SEZ6L: variants seen among roughly 807,000 people sequenced by gnomAD.
The protein encoded by SEZ6L is seizure related 6 homolog like, also known as seizure 6-like protein.
Under a neutral mutation model 106.2 loss-of-function variants are expected in SEZ6L, and 37 were observed. That is an observed-to-expected ratio of 0.35 (90% confidence interval 0.27 to 0.46). The LOEUF (loss-of-function observed/expected upper bound fraction) is 0.46, where lower values mean the gene tolerates loss of function less well. Among genes scored for constraint, SEZ6L ranks in the 20% least tolerant of loss-of-function variants. The pLI, the probability that SEZ6L is intolerant of heterozygous loss-of-function variation, is 1.00. For synonymous variants in SEZ6L, 541 were observed against 570.4 expected (o/e 0.95, Z 0.73); for missense variants, 1,172 against 1,332.8 (o/e 0.88, Z 1.88).
chr22:26,317,923 C>T (rs1012663720), intron 9 of SEZ6L, among the ~76,000 whole-genome samples: 2 of 151,926 alleles, frequency 1.3e-5, no homozygotes, highest in Non-Finnish European at 2.9e-5. Context: ...AGGGTAGTTG[C>T]AAATCCAAAA....
rs2081749893 is a variant in SEZ6L at position 26,309,628 on chromosome 22, G to C, written c.1515-1042G>C. On this transcript the variant is annotated intron_variant, in intron 6 of 16. Coordinates refer to ENST00000248933, the MANE Select transcript of SEZ6L (RefSeq NM_021115.5). ...GAGTCTTGCTCTGTCACCCAAGCTG[G>C]AGTGCAGTGGCTCGATCTCGGCTCA... is the stretch of plus-strand genomic sequence containing the variant. Among the ~76,000 whole-genome samples, 2 of 152,092 alleles carry C rather than the reference G, an allele frequency of 1.3e-5. 1 individual carries two copies. The highest frequency in any genetic ancestry group is 4.1e-4 in the South Asian group (2 of 4,826).
chr22:26,254,775 G>C (rs2079749144), intron 1 of SEZ6L, among the ~76,000 whole-genome samples: 1 of 152,160 alleles, frequency 6.6e-6, no homozygotes. Context: ...TCAGAAGGAG[G>C]GTGAGTGTCA....
chr22:26,176,839 G>A (rs1448163981), intron 1 of SEZ6L, among the ~76,000 whole-genome samples: 1 of 152,144 alleles, frequency 6.6e-6, no homozygotes, highest in Non-Finnish European at 1.5e-5. Flanking sequence ...TTTCTGTGAA[G>A]TCTTCTCTTG....
chr22:26,372,428 A>G (rs1427570554), intron 13 of SEZ6L, among the ~76,000 whole-genome samples: 7 of 152,188 alleles, frequency 4.6e-5, no homozygotes, highest in Admixed American at 4.6e-4. Flanking sequence ...CTTGATGCCA[A>G]AGCTGCAGAG....
At chr22:26,240,212 GT>G (rs2079083431) in intron 1 of SEZ6L, among the ~76,000 whole-genome samples, 1 of 151,880 alleles carries the variant, frequency 6.6e-6, no homozygotes, top group African/African-American at 2.4e-5. Context: ...TGTTCCCTCT[GT>G]CTCATATACC....
chr22:26,362,028 T>G (rs79579669), intron 12 of SEZ6L, among the ~76,000 whole-genome samples: 1 of 150,462 alleles, frequency 6.6e-6, no homozygotes, highest in East Asian at 2.0e-4. Context: ...CACCCTGCAT[T>G]AAAAAAAAAT....
chr22:26,285,680 G>C (rs1249353408), intron 1 of SEZ6L, among the ~76,000 whole-genome samples: 1 of 152,184 alleles, frequency 6.6e-6, no homozygotes, highest in Admixed American at 6.5e-5. Flanking sequence ...ACAACGCATA[G>C]AGCAGCTTCT....
At chr22:26,338,943 A>G (rs1036371355) in intron 9 of SEZ6L, among the ~76,000 whole-genome samples, 2 of 137,850 alleles carry the variant, frequency 1.5e-5, no homozygotes, top group Non-Finnish European at 3.0e-5. Context: ...GCCTCAAGCA[A>G]TCCTCCCACC....
rs1280384057 is a variant in SEZ6L, at chr22:26,305,783, A to G, written c.1349-196A>G. On this transcript the variant is annotated intron_variant, in intron 5 of 16. Transcript: ENST00000248933. ...TTCCCTCCCAGGAGAAGTCCCTTCC[A>G]AGCTTTCTCTCCCTGCCCGGTTTCC... Among the ~76,000 whole-genome samples the G allele has an allele frequency of 3.9e-5, 6 of 152,176 alleles. No individual in the cohort carries two copies. The East Asian group carries it at 1.2e-3, about 29-fold the overall frequency.
chr22:26,292,225 GGAGA>G, intron 1 of SEZ6L, 177 bp from the exon 2 acceptor site: 1 of 560,240 alleles, frequency 1.8e-6, no homozygotes, highest in East Asian at 3.0e-5. Flanking sequence ...AGAGAAAGAG[GGAGA>G]GAGGGAAGGA....
In SEZ6L at chr22:26,191,630, A is replaced by G. The variant is rs146276114; in HGVS notation, c.94+21867A>G. ...AGGGAGAGCATCAGGAAGAATAGTT[A>G]ATGAATGCTGGGCTTAATATCTAGG... On this transcript the variant is annotated intron_variant, in intron 1 of 16. Transcript: ENST00000248933. Among the ~76,000 whole-genome samples the G allele has an allele frequency of 5.1e-4, 78 of 152,244 alleles. 1 individual carries two copies. Among genetic ancestry groups the G allele is most frequent in the Middle Eastern group, 3.4e-3 (1 of 294 alleles).
chr22:26,297,082 TA>T lies in SEZ6L; in HGVS notation c.1162+3del. The stretch of plus-strand genomic sequence containing the variant: ...GGACCTTCCAGCTTCACTACCAGGG[TA>T]GGGTCAGGCCAAGGCTGATGAAACA... On this transcript the variant is annotated splice_donor_region_variant and intron_variant, in intron 4 of 16. Transcript: ENST00000248933. 1 of 1,611,628 alleles carries T rather than the reference TA, an allele frequency of 6.2e-7. No individual in the cohort carries two copies. The highest frequency in any genetic ancestry group is 2.2e-5 in the East Asian group (1 of 44,816).
At chr22:26,209,524 A>G (rs991851711) in intron 1 of SEZ6L, among the ~76,000 whole-genome samples, 5 of 148,878 alleles carry the variant, frequency 3.4e-5, no homozygotes, top group African/African-American at 1.2e-4. Flanking sequence ...GAAAAAAGAA[A>G]GAGGAAAGAG....
chr22:26,366,929 T>C (rs1252619173), intron 13 of SEZ6L, among the ~76,000 whole-genome samples: 1 of 152,114 alleles, frequency 6.6e-6, no homozygotes. Context: ...ATTGCAGGTA[T>C]GAGCCACCAC....
At chr22:26,190,161 C>T (rs1243862661) in intron 1 of SEZ6L, among the ~76,000 whole-genome samples, 1 of 151,476 alleles carries the variant, frequency 6.6e-6, no homozygotes, top group Non-Finnish European at 1.5e-5. Context: ...AGTTTTAAAG[C>T]CCGCTTTGAC....
intron 1 of SEZ6L, among the ~76,000 whole-genome samples, chr22:26,203,036 C>T (rs1339601382): frequency 6.6e-6 from 1 of 152,220 alleles, no homozygotes; most frequent in East Asian, 1.9e-4. Context: ...ACTGGTGGAG[C>T]AATTCCTAGA....
At chr22:26,250,917 G>A (rs988638861) in intron 1 of SEZ6L, among the ~76,000 whole-genome samples, 1 of 152,040 alleles carries the variant, frequency 6.6e-6, no homozygotes, top group African/African-American at 2.4e-5. Context: ...TATTTTTGAG[G>A]TAGCTATTGT....
At position 26,201,031 on chromosome 22, in the gene SEZ6L, C is replaced by G. The variant is rs1940909415; in HGVS notation, c.94+31268C>G. Among the ~76,000 whole-genome samples, 10 of 152,250 alleles carry G rather than the reference C, an allele frequency of 6.6e-5. No individual in the cohort carries two copies. In the South Asian group the frequency reaches 2.1e-3, roughly 32 times the overall value. On this transcript the variant is annotated intron_variant, in intron 1 of 16. Coordinates refer to ENST00000248933, the MANE Select transcript of SEZ6L (RefSeq NM_021115.5). ...CAACAGGGCTGGTTCCCCCAACAGG[C>G]CTTCTTGAAGCCTTATGGGTCCTTG...
intron 1 of SEZ6L, among the ~76,000 whole-genome samples, chr22:26,191,672 G>T (rs1783195132): frequency 6.6e-6 from 1 of 152,116 alleles, no homozygotes. Flanking sequence ...GATGATCTGT[G>T]CAGCAAACCA....
Sources: gnomAD v4.1 joint callset for allele counts (sites outside exome capture counted in the v4.1 genomes callset) on GRCh38, gnomAD v4.1.1 for gene constraint, MANE v1.5 for transcripts, NCBI Gene and HGNC (gene_info 2026-07-23, HGNC 2026-07-21) for gene names.